EML2: variants seen among roughly 807,000 people sequenced by gnomAD.
The protein encoded by EML2 is echinoderm microtubule-associated protein-like 2.
A neutral mutation model predicts 84.7 loss-of-function variants in EML2; 59 were observed. That is an observed-to-expected ratio of 0.70 (90% CI 0.56 to 0.86). The LOEUF (loss-of-function observed/expected upper bound fraction) is 0.86, where lower values mean the gene tolerates loss of function less well. Among genes scored for constraint, EML2 ranks in the 40% least tolerant of loss-of-function variants. EML2 has a pLI of 0.00. For synonymous variants in EML2, 352 were observed against 348.9 expected, an observed-to-expected ratio of 1.01 and a Z score of -0.10; for missense variants, 818 against 855.6, an observed-to-expected ratio of 0.96 and a Z score of 0.55.
intron 1 of EML2, 142 bp from the exon 2 acceptor site, chr19:45,639,015 C>T (rs1286441022): frequency 1.0e-6 from 1 of 990,680 alleles, no homozygotes; most frequent in Non-Finnish European, 1.6e-6. Context: ...TGCCTCTCTG[C>T]AGGCCGTGTG....
intron 2 of EML2, 64 bp from the exon 3 acceptor site, chr19:45,638,698 C>T: frequency 6.3e-7 from 1 of 1,589,992 alleles, no homozygotes; most frequent in Non-Finnish European, 8.6e-7. Flanking sequence ...CTCTCCTCTT[C>T]CAGCTTTATT....
At chr19:45,629,378 T>C in intron 7 of EML2, among the ~76,000 whole-genome samples, 1 of 151,940 alleles carries the variant, frequency 6.6e-6, no homozygotes, top group Non-Finnish European at 1.5e-5. Context: ...CAGGCTGGAG[T>C]GCAATGGTGT....
upstream of EML2, chr19:45,642,410 G>T (rs1439893798): frequency 6.7e-7 from 1 of 1,500,320 alleles, no homozygotes; most frequent in South Asian, 1.3e-5. Flanking sequence ...TGCCCAAGGG[G>T]TCCCTCCCGC....
intron 6 of EML2, among the ~76,000 whole-genome samples, chr19:45,630,345 A>T (rs924903392): frequency 4.6e-5 from 7 of 151,700 alleles, no homozygotes; most frequent in Admixed American, 3.9e-4. Context: ...CGAGGTCAGG[A>T]GTTCGAGGCC....
rs1334527840 is a variant in EML2, at chr19:45,609,762, G to A, written c.1851C>T (p.His617=). Residue 617 remains histidine, a synonymous_variant, in exon 19 of 19, where the codon CAC becomes CAT. Coordinates refer to ENST00000245925, the MANE Select transcript of EML2 (RefSeq NM_012155.4). Reference sequence around the variant, plus strand: ...AGGCCACATTTGTCACATGGCTGCTGTGTCCACCGTACTTGTGGCTGAGGG... The same window carrying A: ...AGGCCACATTTGTCACATGGCTGCTATGTCCACCGTACTTGTGGCTGAGGG... ...PRALSHKYGG[H]SSHVTNVAFL... The A allele has an allele frequency of 3.1e-6, 5 of 1,612,912 alleles. No individual in the cohort carries two copies. Among genetic ancestry groups the A allele is most frequent in the Non-Finnish European group, 4.2e-6 (5 of 1,179,570 alleles).
chr19:45,639,143 A>T (rs975745246), intron 1 of EML2: 19 of 662,166 alleles, frequency 2.9e-5, no homozygotes, highest in East Asian at 1.9e-4. Context: ...GTCACCAAGG[A>T]CCCTTCCCTC....
intron 6 of EML2, 144 bp downstream of exon 6, chr19:45,632,717 A>C: frequency 1.5e-6 from 1 of 682,392 alleles, no homozygotes. Context: ...GGGTGAGGAC[A>C]CGCCCTCATT....
chr19:45,611,703 G>A (rs969682271), intron 18 of EML2, among the ~76,000 whole-genome samples: 1 of 152,088 alleles, frequency 6.6e-6, no homozygotes, highest in African/African-American at 2.4e-5. Flanking sequence ...GGCCAGGCTA[G>A]TCTCGAACTG....
upstream of EML2, chr19:45,641,236 G>A (rs1388704017): frequency 1.8e-5 from 3 of 170,554 alleles, no homozygotes; most frequent in Non-Finnish European, 3.9e-5. Context: ...TCGCCCAGGC[G>A]AACACTGTGG....
chr19:45,639,254 G>A, intron 1 of EML2, 103 bp downstream of exon 1: 1 of 1,151,496 alleles, frequency 8.7e-7, no homozygotes, highest in South Asian at 2.0e-5. Context: ...GGGAAGGGGC[G>A]TGTCCCCACG....
At chr19:45,633,431 C>T (rs145265449) in intron 4 of EML2, among the ~76,000 whole-genome samples, 1,575 of 150,866 alleles carry the variant, frequency 0.01, 21 homozygotes, top group African/African-American at 0.035. Flanking sequence ...CTCCAGCCAC[C>T]AGGAATTGTC....
At chr19:45,621,804 G>T (rs1385754821) in intron 9 of EML2, among the ~76,000 whole-genome samples, 167 bp from the exon 10 acceptor site, 3 of 151,408 alleles carry the variant, frequency 2.0e-5, no homozygotes. Flanking sequence ...GAGTGCACTG[G>T]TGCTATCTCG....
intron 3 of EML2, among the ~76,000 whole-genome samples, chr19:45,636,676 G>C (rs1973761854): frequency 6.6e-6 from 1 of 152,248 alleles, no homozygotes; most frequent in Non-Finnish European, 1.5e-5. Context: ...GCCAAGCACG[G>C]TGGCTCACGC....
rs1971787159 is a variant in EML2 at position 45,622,132 on chromosome 19, T to TA, written c.842-496dup. On this transcript the variant is annotated intron_variant, in intron 9 of 18. Transcript: ENST00000245925. Reference sequence around the variant, plus strand: ...CACTCAAATACAATACCTTATCATCTATTCATTAAACCATCTGCACTAACA... The same window carrying TA: ...CACTCAAATACAATACCTTATCATCTAATTCATTAAACCATCTGCACTAACA... Among the ~76,000 whole-genome samples, 3 of 152,242 alleles carry TA rather than the reference T, an allele frequency of 2.0e-5. No homozygotes were observed. In the South Asian group the frequency reaches 6.2e-4, roughly 32 times the overall value.
intron 18 of EML2, among the ~76,000 whole-genome samples, chr19:45,610,264 G>A (rs1490747887): frequency 6.6e-6 from 1 of 152,156 alleles, no homozygotes; most frequent in East Asian, 1.9e-4. Context: ...GGGTGTGGTG[G>A]CGCATGCCCG....
rs144652162 is a variant in EML2, at chr19:45,613,633, C to T, written c.1732G>A (p.Ala578Thr). The T allele has an allele frequency of 2.8e-5, 45 of 1,614,080 alleles. No individual in the cohort carries two copies. The African/African-American group carries it at 3.9e-4, about 14-fold the overall frequency. ...TTCCCATCATGAGAGCGGGCCACAG[C>T]GTTGATATCAGTGCCGTCCGCCCCC... is the stretch of plus-strand genomic sequence containing the variant. Reference protein sequence around the residue: ...SEGADGTDINAVARSHDGKLL... With the variant: ...SEGADGTDINTVARSHDGKLL... The change falls in exon 18 of 19, where the codon GCT (alanine) becomes ACT (threonine). Residue 578 changes from alanine to threonine, a missense_variant. Ala to Thr is a moderately conservative substitution (Grantham distance 58). Transcript: ENST00000245925.
At chr19:45,639,694 G>A (rs115373772), upstream of EML2, among the ~76,000 whole-genome samples, 440 of 152,224 alleles carry the variant, frequency 2.9e-3, 5 homozygotes, top group African/African-American at 9.8e-3. Context: ...TTAAAAAATG[G>A]GGATAATAAG....
chr19:45,615,001 GA>G (rs1011064506), intron 16 of EML2: 1 of 297,082 alleles, frequency 3.4e-6, no homozygotes, highest in African/African-American at 2.2e-5. Flanking sequence ...AGGAGTTCGA[GA>G]CCAGCCTGGC....
At chr19:45,623,521 CCT>C in intron 9 of EML2, 1 of 151,588 alleles carries the variant, frequency 6.6e-6, no homozygotes, top group Middle Eastern at 3.4e-3. Flanking sequence ...AGAGTGAGAC[CCT>C]GTCTTAAAAA....
Sources: allele counts gnomAD v4.1 joint callset (sites outside exome capture counted in the v4.1 genomes callset), GRCh38; gene constraint gnomAD v4.1.1; transcripts MANE v1.5; gene names NCBI Gene and HGNC (gene_info 2026-07-23, HGNC 2026-07-21).